Variants in TSHZ2 observed in about 807,000 individuals in gnomAD.
TSHZ2 encodes teashirt zinc finger homeobox 2, also known as teashirt homolog 2.
In TSHZ2, 21 loss-of-function variants were observed where a neutral mutation model predicts 74.4. The ratio of observed to expected loss-of-function variants is 0.28; its 90% CI spans 0.20 to 0.41. TSHZ2 has a LOEUF of 0.41. Among genes scored for constraint, TSHZ2 ranks in the 10% least tolerant of loss-of-function variants. The pLI is 1.00. For synonymous variants in TSHZ2, 540 were observed against 515.3 expected, an observed-to-expected ratio of 1.05 and a Z score of -0.65; for missense variants, 1,244 against 1,293.5, an observed-to-expected ratio of 0.96 and a Z score of 0.59.
At chr20:53,052,704 CACATGGGTT>C (rs1174617365) in intron 1 of TSHZ2, among the ~76,000 whole-genome samples, 1 of 152,142 alleles carries the variant, frequency 6.6e-6, no homozygotes. Context: ...TGTTGATGGA[CACATGGGTT>C]ACTTCCACCT....
rs1985314064 is a variant in TSHZ2 at position 53,074,746 on chromosome 20, A to G, written c.40+101413A>G. On this transcript the variant is annotated intron_variant, in intron 1 of 2. Coordinates refer to ENST00000371497, the MANE Select transcript of TSHZ2 (RefSeq NM_173485.6). This position sits in a 1 kb window ranked among gnomAD's most constrained non-coding sequence, Gnocchi z 5.9. ...TTTAAAGAAAAATTCAGGCACATCTACTCTGTGCCAGGGAAGGTGCTGAAG... is the reference window on the plus strand; with the variant it reads ...TTTAAAGAAAAATTCAGGCACATCTGCTCTGTGCCAGGGAAGGTGCTGAAG... Among the ~76,000 whole-genome samples, 1 of 152,118 alleles carries G rather than the reference A, an allele frequency of 6.6e-6. No homozygotes were observed.
At chr20:53,184,764 A>G (rs1988562101) in intron 1 of TSHZ2, among the ~76,000 whole-genome samples, 1 of 152,232 alleles carries the variant, frequency 6.6e-6, no homozygotes, top group Admixed American at 6.5e-5. Flanking sequence ...GCTGGAGTGC[A>G]GTGGCACAGT....
chr20:53,045,632 C>T (rs1984200430), intron 1 of TSHZ2, among the ~76,000 whole-genome samples: 1 of 152,222 alleles, frequency 6.6e-6, no homozygotes, highest in African/African-American at 2.4e-5. Context: ...GAATTAAAGT[C>T]TAATCCAGTG....
chr20:52,984,390 A>T (rs1396225065), intron 1 of TSHZ2, among the ~76,000 whole-genome samples: 1 of 152,134 alleles, frequency 6.6e-6, no homozygotes, highest in Non-Finnish European at 1.5e-5. Context: ...GCTGTTTTGG[A>T]TAAGACGATC....
intron 2 of TSHZ2, among the ~76,000 whole-genome samples, chr20:53,361,001 C>A (rs759424908): frequency 1.3e-5 from 2 of 152,146 alleles, no homozygotes. Flanking sequence ...TCTTTTGAAC[C>A]AGTGAAGCAC....
rs367557287 is a variant in TSHZ2, at chr20:53,295,987, C to T, written c.*8+39416C>T. ...TAATGTTCTGCACCTCATGCTTTAG[C>T]TAAGGTGAAGTTGAAGGATTCATTA... On this transcript the variant is annotated intron_variant, in intron 2 of 2. Coordinates refer to ENST00000371497, the MANE Select transcript of TSHZ2 (RefSeq NM_173485.6). Among the ~76,000 whole-genome samples, 69 of 145,712 alleles carry T rather than the reference C, an allele frequency of 4.7e-4. No individual in the cohort carries two copies. In the East Asian group the frequency reaches 0.013, roughly 28 times the overall value.
At chr20:53,466,224 G>A (rs1985556887) in intron 2 of TSHZ2, among the ~76,000 whole-genome samples, 1 of 150,966 alleles carries the variant, frequency 6.6e-6, no homozygotes, top group Non-Finnish European at 1.5e-5. Flanking sequence ...CTCTAGACTG[G>A]GCGACAGAGC....
chr20:53,113,414 C>A (rs111983652), intron 1 of TSHZ2, among the ~76,000 whole-genome samples: 100 of 152,148 alleles, frequency 6.6e-4, no homozygotes, highest in African/African-American at 2.3e-3. Flanking sequence ...CATATTAAAC[C>A]CATTTATTTA....
intron 1 of TSHZ2, among the ~76,000 whole-genome samples, chr20:53,147,994 G>T (rs537609402): frequency 6.6e-6 from 1 of 152,216 alleles, no homozygotes; most frequent in Non-Finnish European, 1.5e-5. Flanking sequence ...GATTACAGGC[G>T]TGAGCCACCA....
At chr20:53,473,061 A>G (rs6022511) in intron 2 of TSHZ2, among the ~76,000 whole-genome samples, 36,386 of 141,330 alleles carry the variant, frequency 0.26, 5,122 homozygotes, top group East Asian at 0.42. Flanking sequence ...AAACTGCAAG[A>G]TGGCAGTGAG....
At chr20:53,311,768 A>T (rs545170257) in intron 2 of TSHZ2, among the ~76,000 whole-genome samples, 1 of 152,318 alleles carries the variant, frequency 6.6e-6, no homozygotes, top group Admixed American at 6.5e-5. Flanking sequence ...TCAATGCCTT[A>T]TTTGAATGAG....
At chr20:53,455,713 G>A (rs1295778410) in intron 2 of TSHZ2, among the ~76,000 whole-genome samples, 13 of 121,324 alleles carry the variant, frequency 1.1e-4, no homozygotes, top group Non-Finnish European at 2.3e-4. Flanking sequence ...TCCCTCCCCC[G>A]CCCCACCCCA....
At chr20:53,324,428 A>AT (rs1979411290) in intron 2 of TSHZ2, among the ~76,000 whole-genome samples, 1 of 152,110 alleles carries the variant, frequency 6.6e-6, no homozygotes, top group Admixed American at 6.5e-5. Context: ...CCCAGGCTGG[A>AT]GTACAGTGAT....
chr20:53,346,757 A>G (rs185858303), intron 2 of TSHZ2, among the ~76,000 whole-genome samples: 2 of 152,370 alleles, frequency 1.3e-5, no homozygotes, highest in Non-Finnish European at 2.9e-5. Flanking sequence ...GTCATTGAGC[A>G]TGGATTTCCT....
At chr20:53,002,140 G>A (rs556740614) in intron 1 of TSHZ2, among the ~76,000 whole-genome samples, 18 of 152,286 alleles carry the variant, frequency 1.2e-4, no homozygotes, top group Admixed American at 3.3e-4. Context: ...GGCTTTGGGT[G>A]AATTTTTGCA....
At chr20:53,217,866 A>T (rs1989471798) in intron 1 of TSHZ2, among the ~76,000 whole-genome samples, 1 of 152,172 alleles carries the variant, frequency 6.6e-6, no homozygotes, top group South Asian at 2.1e-4. Context: ...TTTTATCCTC[A>T]CCTTTGCAAA....
intron 2 of TSHZ2, among the ~76,000 whole-genome samples, chr20:53,285,729 A>AG (rs1286914152): frequency 7.1e-6 from 1 of 139,936 alleles, no homozygotes; most frequent in Non-Finnish European, 1.5e-5. Flanking sequence ...GAGAAAAAAA[A>AG]AAGAAAGAAA....
chr20:53,239,671 T>C (rs2123691404), intron 1 of TSHZ2, among the ~76,000 whole-genome samples: 1 of 152,220 alleles, frequency 6.6e-6, no homozygotes, highest in South Asian at 2.1e-4. Flanking sequence ...CAATCCCAAA[T>C]TTTACAGTAT....
intron 2 of TSHZ2, among the ~76,000 whole-genome samples, chr20:53,359,763 T>C (rs1245434255): frequency 3.3e-5 from 5 of 151,608 alleles, no homozygotes; most frequent in Non-Finnish European, 7.4e-5. Flanking sequence ...GGAAAGGAGA[T>C]CAAGTCAGAA....
Sources: gnomAD v4.1 joint callset for allele counts (sites outside exome capture counted in the v4.1 genomes callset) on GRCh38, gnomAD v4.1.1 for gene constraint, Gnocchi (gnomAD v3.1) non-coding constraint, MANE v1.5 for transcripts, NCBI Gene and HGNC (gene_info 2026-07-23, HGNC 2026-07-21) for gene names.